The following SIRT2 variants were observed in gnomAD, a reference collection of about 807,000 sequenced individuals.
SIRT2 encodes NAD-dependent protein deacetylase sirtuin-2.
A neutral mutation model predicts 57.4 loss-of-function variants in SIRT2; 40 were observed. The observed-to-expected ratio is 0.70, with a 90% confidence interval of 0.54 to 0.91. The LOEUF (loss-of-function observed/expected upper bound fraction) is 0.91, where lower values mean the gene tolerates loss of function less well. SIRT2 is among the 40% of genes least tolerant of loss of function. The probability of loss-of-function intolerance (pLI) is 0.00; values close to 1 mark genes in which losing one functional copy is unlikely to be tolerated. For synonymous variants in SIRT2, 161 were observed against 195.7 expected, an observed-to-expected ratio of 0.82 and a Z score of 1.48; for missense variants, 439 against 510.4, an observed-to-expected ratio of 0.86 and a Z score of 1.35.
At position 38,880,608 on chromosome 19, in the gene SIRT2, T is replaced by TGG. The variant is rs770109077; in HGVS notation, c.876+75_876+76dup. Reference sequence around the variant, plus strand: ...AATGCAAAGTGCTGGGGTTCCACAGTGGGGGTTCCCTCTGAGGAAAAGGGT... The same window carrying TGG: ...AATGCAAAGTGCTGGGGTTCCACAGTGGGGGGGTTCCCTCTGAGGAAAAGGGT... On this transcript the variant is annotated intron_variant, in intron 13 of 15. Coordinates refer to ENST00000249396, the MANE Select transcript of SIRT2 (RefSeq NM_012237.4). The surrounding 1 kb of genome is among the most constrained non-coding windows in gnomAD (Gnocchi z 4.1). 2.6e-5 allele frequency: 25 copies of TGG among 969,754 alleles called. No individual in the cohort carries two copies. Among genetic ancestry groups the TGG allele is most frequent in the Non-Finnish European group, 3.8e-5 (24 of 639,650 alleles). The allele number at this position is 969,754 out of a possible 1,614,324, so 60.1% of individuals were successfully genotyped here. A position where few individuals can be genotyped will look rare whatever the true frequency, so the allele number is the denominator to read the frequency against.
chr19:38,889,101 G>C lies in SIRT2; in HGVS notation c.487C>G (p.Arg163Gly), dbSNP rs1049750023. 1 of 1,612,364 alleles carries C rather than the reference G, an allele frequency of 6.2e-7. No homozygotes were observed. Among genetic ancestry groups the C allele is most frequent in the Non-Finnish European group, 8.5e-7 (1 of 1,179,972 alleles). ...CATCCGCCTACCTGCGTGTAGCAGC[G>C]CAGGAGTAGCCCCTTGTCCTTCAGC... ...RLLKDKGLLL[R>G]CYTQNIDTLE... The change falls in exon 8 of 16, where the codon CGC becomes GGC. Residue 163 changes from arginine (R) to glycine (G), a missense_variant. Coordinates refer to ENST00000249396, the MANE Select transcript of SIRT2 (RefSeq NM_012237.4).
At chr19:38,891,860 G>A (rs1378195448) in intron 4 of SIRT2, 3 of 468,922 alleles carry the variant, frequency 6.4e-6, no homozygotes, top group Non-Finnish European at 1.3e-5. Context: ...TGTTGTCTTT[G>A]GGGCCTGCCC....
chr19:38,892,257 G>T (rs1161548822), intron 4 of SIRT2, among the ~76,000 whole-genome samples: 2 of 151,978 alleles, frequency 1.3e-5, no homozygotes, highest in Non-Finnish European at 2.9e-5. Context: ...TTAGCCAGTC[G>T]TGGTGGTGTG....
At chr19:38,886,939 AT>A (rs965412715) in intron 8 of SIRT2, among the ~76,000 whole-genome samples, 2 of 147,238 alleles carry the variant, frequency 1.4e-5, no homozygotes, top group African/African-American at 2.5e-5. Context: ...GTGATGTGTC[AT>A]TTTTTTTCTT....
intron 1 of SIRT2, 89 bp downstream of exon 1, chr19:38,899,417 C>G (rs1033434706): frequency 2.7e-6 from 4 of 1,473,242 alleles, no homozygotes; most frequent in Non-Finnish European, 3.8e-6. Context: ...ACTTCCCGCC[C>G]CACCGCGGCC....
chr19:38,883,052 A>G (rs1274300279), intron 9 of SIRT2, among the ~76,000 whole-genome samples: 1 of 150,360 alleles, frequency 6.7e-6, no homozygotes, highest in African/African-American at 2.5e-5. Flanking sequence ...ATGGCTTTCC[A>G]TGAGTGGAAT....
At position 38,893,926 on chromosome 19, in the gene SIRT2, G is replaced by C. The variant is rs1221151482; in HGVS notation, c.64-59C>G. 1.5e-5 allele frequency: 24 copies of C among 1,609,594 alleles called. No individual in the cohort carries two copies. The East Asian group carries it at 5.1e-4, about 34-fold the overall frequency. ...GAGGTGGGATTAGGGAGGGAGGAGA[G>C]GGGGTGATACCAGGTTTGGGGAAAA... On this transcript the variant is annotated intron_variant, in intron 2 of 15. Coordinates refer to ENST00000249396, the MANE Select transcript of SIRT2 (RefSeq NM_012237.4).
chr19:38,893,879 G>C lies in SIRT2; in HGVS notation c.64-12C>G, dbSNP rs746076601. ...TCTGAATCTGAGTCCTGGAAGGGGT[G>C]GGGTGGAGTGGCCAGGCCCGAGAGG... On this transcript the variant is annotated splice_polypyrimidine_tract_variant and intron_variant, in intron 2 of 15. Transcript: ENST00000249396. 65 of 1,614,026 alleles carry C rather than the reference G, an allele frequency of 4.0e-5. 1 individual carries two copies. In the South Asian group the frequency reaches 6.7e-4, roughly 17 times the overall value.
chr19:38,886,457 T>TC, intron 8 of SIRT2, among the ~76,000 whole-genome samples: 1 of 152,066 alleles, frequency 6.6e-6, no homozygotes, highest in African/African-American at 2.4e-5. Flanking sequence ...ACATGGTTTT[T>TC]TTTTTTTTTT....
intron 4 of SIRT2, 26 bp from the exon 5 acceptor site, chr19:38,890,170 T>C (rs201846842): frequency 6.2e-7 from 1 of 1,613,624 alleles, no homozygotes; most frequent in South Asian, 1.1e-5. Flanking sequence ...TTATGCACCA[T>C]ATGACACCGT....
rs183190025 is a variant in SIRT2, at chr19:38,880,929, C to T, written c.748-32G>A. 2.9e-5 allele frequency: 47 copies of T among 1,604,798 alleles called. No individual in the cohort carries two copies. The highest frequency in any genetic ancestry group is 1.3e-4 in the East Asian group (6 of 44,828). ...GGAGGGGCGTGAGCTTGGGAGCCTC[C>T]GCCCAGGCTGCGCCACCGCTCCCTC... is the stretch of plus-strand genomic sequence containing the variant. On this transcript the variant is annotated intron_variant, in intron 11 of 15. Transcript: ENST00000249396. The surrounding 1 kb of genome is among the most constrained non-coding windows in gnomAD (Gnocchi z 4.1).
chr19:38,881,020 AGGGCCCAGGCTGC>A, intron 11 of SIRT2, 67 bp downstream of exon 11: 1 of 1,549,714 alleles, frequency 6.5e-7, no homozygotes. Context: ...TTCCTGAGGC[AGGGCCCAGGCTGC>A]CCCCATGGGG....
intron 4 of SIRT2, 49 bp downstream of exon 4, chr19:38,893,365 T>G (rs199532213): frequency 7.0e-4 from 827 of 1,180,694 alleles, no homozygotes; most frequent in Non-Finnish European, 9.4e-4. Context: ...GGGAGGTCAC[T>G]TGGGGCCAGG....
chr19:38,890,293 C>T (rs766421595), intron 4 of SIRT2, 149 bp from the exon 5 acceptor site: 13 of 725,632 alleles, frequency 1.8e-5, no homozygotes, highest in Middle Eastern at 2.4e-4. Flanking sequence ...ATCATCTAGA[C>T]GGGGATGGTG....
chr19:38,880,730 G>GGGT lies in SIRT2; in HGVS notation c.828_830dup (p.Pro277dup), dbSNP rs888067357. 6.2e-7 allele frequency: 1 copy of GGGT among 1,606,414 alleles called. No homozygotes were observed. Among genetic ancestry groups the GGGT allele is most frequent in the African/African-American group, 1.3e-5 (1 of 74,732 alleles). ...TGATGAGCAGGCGAGGGGTGGAGAG[G>GGGT]GGTGCCCTGTGGGGAGGGGGAGCTA... On this transcript the variant is annotated inframe_insertion, in exon 13 of 16. Coordinates refer to ENST00000249396, the MANE Select transcript of SIRT2 (RefSeq NM_012237.4). The surrounding 1 kb of genome is among the most constrained non-coding windows in gnomAD (Gnocchi z 4.1).
intron 8 of SIRT2, among the ~76,000 whole-genome samples, chr19:38,885,068 A>G (rs533764569): frequency 1.3e-5 from 2 of 152,054 alleles, no homozygotes; most frequent in East Asian, 3.9e-4. Flanking sequence ...CCTGTTTCAT[A>G]GATGGCATAT....
At chr19:38,894,108 C>G (rs1182166286) in intron 2 of SIRT2, 1 of 708,266 alleles carries the variant, frequency 1.4e-6, no homozygotes, top group Non-Finnish European at 2.3e-6. Context: ...CTTTGCTTTT[C>G]TTTTTTGAGA....
intron 2 of SIRT2, 183 bp from the exon 3 acceptor site, chr19:38,894,050 C>A: frequency 1.6e-6 from 2 of 1,284,418 alleles, no homozygotes; most frequent in Non-Finnish European, 2.1e-6. Flanking sequence ...GGGTTGGAGT[C>A]CTGGCCATGC....
intron 4 of SIRT2, 80 bp downstream of exon 4, chr19:38,893,334 A>G (rs574444684): frequency 2.3e-6 from 2 of 868,354 alleles, no homozygotes; most frequent in South Asian, 2.8e-5. Flanking sequence ...GTTTCAATAA[A>G]TGGTTCAAGT....
Sources: allele counts gnomAD v4.1 joint callset (sites outside exome capture counted in the v4.1 genomes callset), GRCh38; gene constraint gnomAD v4.1.1; non-coding constraint Gnocchi (gnomAD v3.1); transcripts MANE v1.5; gene names NCBI Gene and HGNC (gene_info 2026-07-23, HGNC 2026-07-21).